RELN: variants seen among roughly 807,000 people sequenced by gnomAD.
RELN encodes the protein reelin.
Under a neutral mutation model 427.6 loss-of-function variants are expected in RELN, and 108 were observed. That is an observed-to-expected ratio of 0.25 (90% CI 0.22 to 0.30). The LOEUF is 0.30. RELN is among the 10% of genes least tolerant of loss of function. The pLI is 1.00. For synonymous variants in RELN, 1,524 were observed against 1,513.4 expected (o/e 1.01, Z -0.16); for missense variants, 3,715 against 4,302.8 (o/e 0.86, Z 3.82).
At chr7:103,574,326 G>C in intron 29 of RELN, 27 bp from the exon 30 acceptor site, 13 of 1,583,600 alleles carry the variant, frequency 8.2e-6, no homozygotes, top group Non-Finnish European at 1.1e-5. Context: ...AGAGAGGAGA[G>C]ATGCTTTGTT....
chr7:103,614,574 CTG>C (rs1339725804), intron 20 of RELN, among the ~76,000 whole-genome samples: 1 of 151,098 alleles, frequency 6.6e-6, no homozygotes, highest in African/African-American at 2.5e-5. Flanking sequence ...TCTGCTGAGA[CTG>C]TGGAACAGAA....
chr7:103,718,137 A>G (rs1387981443), intron 8 of RELN, among the ~76,000 whole-genome samples: 1 of 152,136 alleles, frequency 6.6e-6, no homozygotes, highest in Non-Finnish European at 1.5e-5. Flanking sequence ...TGTAATTTCC[A>G]GTTTTTATTT....
intron 16 of RELN, among the ~76,000 whole-genome samples, chr7:103,642,683 T>C (rs1393748885): frequency 1.3e-5 from 2 of 152,160 alleles, no homozygotes; most frequent in East Asian, 1.9e-4. Flanking sequence ...ATTCTTTTCA[T>C]AGGCTTACAT....
At chr7:103,690,548 A>AATACTTGAT (rs1833852972) in intron 10 of RELN, among the ~76,000 whole-genome samples, 2 of 152,176 alleles carry the variant, frequency 1.3e-5, no homozygotes. Flanking sequence ...GCTGGAAAAA[A>AATACTTGAT]ATACTTGATT....
intron 2 of RELN, among the ~76,000 whole-genome samples, chr7:103,846,576 T>C (rs1207397081): frequency 6.6e-6 from 1 of 152,038 alleles, no homozygotes; most frequent in African/African-American, 2.4e-5. Flanking sequence ...AATTGACAAA[T>C]GGGATCTAAT....
intron 3 of RELN, among the ~76,000 whole-genome samples, chr7:103,827,517 A>G (rs1332430861): frequency 1.3e-5 from 2 of 152,020 alleles, no homozygotes; most frequent in East Asian, 1.9e-4. Flanking sequence ...AATCCCTAGG[A>G]AGCATTCTGA....
At position 103,589,775 on chromosome 7, in the gene RELN, C is replaced by G. The variant is rs1391560430; in HGVS notation, c.3966G>C (p.Gln1322His). 1.2e-6 allele frequency: 2 copies of G among 1,613,594 alleles called. No individual in the cohort carries two copies. Among genetic ancestry groups the G allele is most frequent in the Non-Finnish European group, 1.7e-6 (2 of 1,179,654 alleles). ...QFSSTAPVLL[Q>H]YSHDAGMSWF... is the part of the protein sequence containing the mutation. ...AGGACATACCAGCATCATGAGAGTACTGAAGAAGAACTGGAGCAGTACTGC... is the reference window on the plus strand; with the variant it reads ...AGGACATACCAGCATCATGAGAGTAGTGAAGAAGAACTGGAGCAGTACTGC... Residue 1322 changes from glutamine to histidine, a missense_variant, in exon 28 of 65, where the codon CAG (glutamine) becomes CAC (histidine). Around this residue, in one of 4 missense-constraint regions of RELN, gnomAD observed 2,208 missense variants for 2,361.7 expected, o/e 0.93. Transcript: ENST00000428762.
At position 103,575,531 on chromosome 7, in the gene RELN, C is replaced by T; in HGVS notation, c.4303+17G>A. The T allele has an allele frequency of 1.2e-6, 2 of 1,612,878 alleles. No individual in the cohort carries two copies. The highest frequency in any genetic ancestry group is 1.7e-6 in the Non-Finnish European group (2 of 1,178,842). ...TATTTTACAATAAAACCCTCAGACA[C>T]ATGTATTTAGCCTTACCAGTATATC... On this transcript the variant is annotated intron_variant, in intron 29 of 64. Transcript: ENST00000428762.
intron 28 of RELN, among the ~76,000 whole-genome samples, chr7:103,586,505 G>A (rs1423184819): frequency 6.6e-6 from 1 of 152,136 alleles, no homozygotes; most frequent in Non-Finnish European, 1.5e-5. Context: ...CTCTACTCCA[G>A]TTCAACATAG....
intron 1 of RELN, among the ~76,000 whole-genome samples, chr7:103,924,545 A>C (rs1795683792): frequency 6.6e-6 from 1 of 152,186 alleles, no homozygotes. Context: ...TAGCAGGTGC[A>C]GGACACCCAT....
chr7:103,837,153 C>T (rs1179013784), intron 2 of RELN, among the ~76,000 whole-genome samples: 4 of 152,174 alleles, frequency 2.6e-5, no homozygotes, highest in Non-Finnish European at 4.4e-5. Flanking sequence ...AGGTTCCCAT[C>T]ATTCTTCCCC....
At position 103,940,125 on chromosome 7, in the gene RELN, C is replaced by A. The variant is rs752043556; in HGVS notation, c.227-22940G>T. Among the ~76,000 whole-genome samples, 122 of 152,124 alleles carry A rather than the reference C, an allele frequency of 8.0e-4. 1 individual carries two copies. Among genetic ancestry groups the A allele is most frequent in the Middle Eastern group, 3.2e-3 (1 of 316 alleles). On this transcript the variant is annotated intron_variant, in intron 1 of 64. Transcript: ENST00000428762. Reference sequence around the variant, plus strand: ...AATGGAAAGAAATATGAACAAAAAACCATTTTAATCTTCCCAGTATTTGCC... The same window carrying A: ...AATGGAAAGAAATATGAACAAAAAAACATTTTAATCTTCCCAGTATTTGCC...
At chr7:103,843,124 A>G (rs1793593189) in intron 2 of RELN, among the ~76,000 whole-genome samples, 1 of 152,286 alleles carries the variant, frequency 6.6e-6, no homozygotes, top group East Asian at 1.9e-4. Flanking sequence ...GTGAAGAGTA[A>G]GTGAGTGTAC....
At position 103,625,010 on chromosome 7, in the gene RELN, T is replaced by C. The variant is rs575167682; in HGVS notation, c.2702+4930A>G. 2.6e-5 allele frequency among the ~76,000 whole-genome samples: 4 copies of C among 152,328 alleles called. No homozygotes were observed. The South Asian group carries it at 8.3e-4, about 32-fold the overall frequency. ...TTAAATCTTTTAGTTATATCTGCTG[T>C]TCCTCAAGCACCATTAATGATAAAC... On this transcript the variant is annotated intron_variant, in intron 20 of 64. Transcript: ENST00000428762.
intron 45 of RELN, among the ~76,000 whole-genome samples, chr7:103,538,571 AAC>A (rs1309207589): frequency 2.0e-5 from 3 of 152,154 alleles, no homozygotes; most frequent in Non-Finnish European, 4.4e-5. Context: ...GCAAAATGGG[AAC>A]AACAAAATGT....
At chr7:103,749,716 A>G (rs1403209290) in intron 5 of RELN, among the ~76,000 whole-genome samples, 1 of 152,198 alleles carries the variant, frequency 6.6e-6, no homozygotes, top group Non-Finnish European at 1.5e-5. Flanking sequence ...TGGGAAAACC[A>G]AAGACCCCAA....
Position 103,694,114 on chromosome 7 carries a change from G to T in RELN, c.1143+3739C>A, listed in dbSNP as rs79273989. 5.3e-5 allele frequency among the ~76,000 whole-genome samples: 8 copies of T among 152,210 alleles called. No homozygotes were observed. The South Asian group carries it at 8.3e-4, about 16-fold the overall frequency. ...GGAGGAAGGAACAGGTGGTACGCAT[G>T]GAACAAAGCTGGAGCAAGATCAAGA... On this transcript the variant is annotated intron_variant, in intron 10 of 64. Transcript: ENST00000428762.
chr7:103,943,645 C>T (rs914489472), intron 1 of RELN, among the ~76,000 whole-genome samples: 3 of 151,780 alleles, frequency 2.0e-5, no homozygotes, highest in African/African-American at 7.3e-5. Context: ...GAGGTCAGGA[C>T]TTTGAGACCA....
intron 3 of RELN, among the ~76,000 whole-genome samples, chr7:103,809,849 A>G (rs545034598): frequency 6.6e-6 from 1 of 152,312 alleles, no homozygotes; most frequent in Admixed American, 6.5e-5. Flanking sequence ...ACAATCAGCT[A>G]AAAGAGGATC....
Sources: allele counts gnomAD v4.1 joint callset (sites outside exome capture counted in the v4.1 genomes callset), GRCh38; gene constraint gnomAD v4.1.1; regional missense constraint gnomAD v4.1.1; transcripts MANE v1.5; gene names NCBI Gene and HGNC (gene_info 2026-07-23, HGNC 2026-07-21).